Variants in GRID1 observed in about 807,000 individuals in gnomAD.
GRID1 encodes the protein glutamate receptor ionotropic, delta-1.
GRID1 carries 28 observed loss-of-function variants against 98.0 expected under a neutral mutation model. That is an observed-to-expected ratio of 0.29 (90% CI 0.21 to 0.39). GRID1 has a LOEUF of 0.39. Ranked by LOEUF, GRID1 falls within the 10% of genes least tolerant of loss-of-function variation. GRID1 has a pLI of 1.00. For missense variants in GRID1, 1,111 were observed against 1,340.5 expected (o/e 0.83, Z 2.67); for synonymous variants, 553 against 538.5 (o/e 1.03, Z -0.37).
chr10:85,769,000 G>C (rs184411305), intron 8 of GRID1, among the ~76,000 whole-genome samples: 1 of 152,148 alleles, frequency 6.6e-6, no homozygotes, highest in Non-Finnish European at 1.5e-5. Context: ...TCCATCAATT[G>C]GGTGTTGGTA....
At chr10:85,766,039 G>T (rs1842194728) in intron 8 of GRID1, among the ~76,000 whole-genome samples, 1 of 152,250 alleles carries the variant, frequency 6.6e-6, no homozygotes, top group South Asian at 2.1e-4. Flanking sequence ...GTGAGGTTGT[G>T]TCGTGGCAGT....
intron 4 of GRID1, among the ~76,000 whole-genome samples, chr10:85,996,925 A>G (rs925542783): frequency 6.6e-6 from 1 of 152,048 alleles, no homozygotes; most frequent in Non-Finnish European, 1.5e-5. Flanking sequence ...ACAAAAATCT[A>G]TAGATTTAAG....
chr10:86,194,179 C>A (rs1845842700), intron 3 of GRID1, among the ~76,000 whole-genome samples: 1 of 152,084 alleles, frequency 6.6e-6, no homozygotes, highest in African/African-American at 2.4e-5. Flanking sequence ...CCCAGCCGCT[C>A]TGCTTTCTAG....
chr10:85,970,117 A>G (rs922732423), intron 4 of GRID1, among the ~76,000 whole-genome samples: 6 of 152,034 alleles, frequency 3.9e-5, no homozygotes, highest in Admixed American at 6.5e-5. Flanking sequence ...AACTCTCTCA[A>G]AAAGAAACAG....
intron 4 of GRID1, among the ~76,000 whole-genome samples, chr10:86,085,322 C>T (rs547338340): frequency 5.2e-4 from 79 of 152,330 alleles, no homozygotes; most frequent in Admixed American, 1.8e-3. Flanking sequence ...ACTGCCATTC[C>T]GTGGACCTCC....
Position 86,018,198 on chromosome 10 carries a change from T to G in GRID1, c.727-101959A>C, listed in dbSNP as rs180699236. ...CGGCCCTGGGCCATGCACCGCAGCC[T>G]TCTGATGAGCTCCTTCATGAGCACA... On this transcript the variant is annotated intron_variant, in intron 4 of 15. Transcript: ENST00000327946. 1.2e-4 allele frequency among the ~76,000 whole-genome samples: 18 copies of G among 152,374 alleles called. No homozygotes were observed. In the East Asian group the frequency reaches 2.3e-3, roughly 20 times the overall value.
intron 6 of GRID1, among the ~76,000 whole-genome samples, chr10:85,862,601 G>A (rs1660007156): frequency 1.3e-5 from 2 of 152,168 alleles, no homozygotes; most frequent in African/African-American, 4.8e-5. Context: ...TGGGAAGCAG[G>A]AGAGAACTCA....
At chr10:85,989,009 G>A (rs74802777) in intron 4 of GRID1, among the ~76,000 whole-genome samples, 3,040 of 152,268 alleles carry the variant, frequency 0.02, 58 homozygotes, top group African/African-American at 0.046. Context: ...AGCTTTTTGT[G>A]CGGTTTGTGA....
chr10:86,366,600 C>A lies in GRID1; in HGVS notation c.-208G>T, dbSNP rs1256107566. The A allele has an allele frequency of 5.4e-6, 1 of 186,840 alleles. No homozygotes were observed. The allele number at this position is 186,840 out of a possible 1,614,324, so 11.6% of individuals were successfully genotyped here. On this transcript the variant is annotated 5_prime_UTR_variant, in exon 1 of 16. Transcript: ENST00000327946. This position sits in a 1 kb window ranked among gnomAD's most constrained non-coding sequence, Gnocchi z 4.1. ...GCCCAGCGCGGTCGGGCTCCCGCTC[C>A]GGCTCCGGTGGCGGCTGCGGCGGTG...
At chr10:86,190,871 C>T (rs148620634) in intron 3 of GRID1, among the ~76,000 whole-genome samples, 16 of 151,746 alleles carry the variant, frequency 1.1e-4, no homozygotes, top group South Asian at 1.1e-3. Context: ...CACATGTGTG[C>T]ATAGTCGTGC....
At position 86,011,241 on chromosome 10, in the gene GRID1, C is replaced by T. The variant is rs199649463; in HGVS notation, c.727-95002G>A. Reference sequence around the variant, plus strand: ...CTGGAAGCCAATATTTTTGCAGTGACGAAATAACTCACTAAATTAGCACAT... The same window carrying T: ...CTGGAAGCCAATATTTTTGCAGTGATGAAATAACTCACTAAATTAGCACAT... On this transcript the variant is annotated intron_variant, in intron 4 of 15. Transcript: ENST00000327946. 2.1e-4 allele frequency among the ~76,000 whole-genome samples: 32 copies of T among 152,118 alleles called. No individual in the cohort carries two copies. The East Asian group carries it at 2.1e-3, about 10-fold the overall frequency.
chr10:85,989,082 A>G (rs1842646821), intron 4 of GRID1, among the ~76,000 whole-genome samples: 1 of 152,186 alleles, frequency 6.6e-6, no homozygotes, highest in Non-Finnish European at 1.5e-5. Flanking sequence ...TAATTCTAGC[A>G]GGCTCTGGGT....
chr10:85,908,761 T>C (rs1472407096), intron 5 of GRID1, among the ~76,000 whole-genome samples: 1 of 152,134 alleles, frequency 6.6e-6, no homozygotes, highest in African/African-American at 2.4e-5. Flanking sequence ...GGCAGGAGCC[T>C]AACAAAATGT....
At chr10:86,205,525 T>C (rs1846013741) in intron 3 of GRID1, among the ~76,000 whole-genome samples, 1 of 152,226 alleles carries the variant, frequency 6.6e-6, no homozygotes, top group Non-Finnish European at 1.5e-5. Context: ...ACAGGCTGTA[T>C]CAAATCCTGG....
At position 85,807,595 on chromosome 10, in the gene GRID1, A is replaced by T. The variant is rs139829857; in HGVS notation, c.1233+46901T>A. Among the ~76,000 whole-genome samples, 603 of 152,262 alleles carry T rather than the reference A, an allele frequency of 4.0e-3. 3 individuals are homozygous for T. Among genetic ancestry groups the T allele is most frequent in the African/African-American group, 0.014 (573 of 41,552 alleles). ...AATGGAAATGAATATTAACTGGAAA[A>T]AAACATATGTTAAATTAACATATGA... On this transcript the variant is annotated intron_variant, in intron 8 of 15. Coordinates refer to ENST00000327946, the MANE Select transcript of GRID1 (RefSeq NM_017551.3).
At chr10:86,211,900 C>A (rs1846112836) in intron 2 of GRID1, among the ~76,000 whole-genome samples, 1 of 152,126 alleles carries the variant, frequency 6.6e-6, no homozygotes, top group Non-Finnish European at 1.5e-5. Context: ...ATAGAAATCC[C>A]CAGGGCACCT....
intron 4 of GRID1, among the ~76,000 whole-genome samples, chr10:86,023,779 T>C (rs116614524): frequency 9.9e-5 from 15 of 152,252 alleles, no homozygotes; most frequent in East Asian, 3.9e-4. Flanking sequence ...TTATATCTCA[T>C]TGGTCTCCTA....
chr10:85,766,483 T>TA (rs201358564), intron 8 of GRID1, among the ~76,000 whole-genome samples: 102 of 151,104 alleles, frequency 6.8e-4, no homozygotes, highest in African/African-American at 2.0e-3. Context: ...GAGATTTGTC[T>TA]AAAAAAAAAT....
At position 86,206,573 on chromosome 10, in the gene GRID1, G is replaced by T. The variant is rs1846029127; in HGVS notation, c.311C>A (p.Ser104Tyr). 1 of 1,614,058 alleles carries T rather than the reference G, an allele frequency of 6.2e-7. No individual in the cohort carries two copies. Among genetic ancestry groups the T allele is most frequent in the African/African-American group, 1.3e-5 (1 of 74,942 alleles). Residue 104 changes from serine (S) to tyrosine (Y), a missense_variant, in exon 3 of 16, where the codon TCC becomes TAC. Physicochemically the swap from Ser to Tyr is moderately radical, Grantham distance 144. Around this residue, in one of 3 missense-constraint regions of GRID1, gnomAD observed 346 missense variants for 452.3 expected, o/e 0.76. Transcript: ENST00000327946. The surrounding 1 kb of genome is among the most constrained non-coding windows in gnomAD (Gnocchi z 4.1). The part of the protein sequence containing the change: ...TGCASANALQ[S>Y]LTDAMHIPHL... ...TGGGATGTGCATGGCATCCGTGAGG[G>T]ACTGCAGGGCATTGGCAGATGCACA...
Sources: gnomAD v4.1 joint callset for allele counts (sites outside exome capture counted in the v4.1 genomes callset) on GRCh38, gnomAD v4.1.1 for gene constraint, gnomAD v4.1.1 regional missense constraint, Gnocchi (gnomAD v3.1) non-coding constraint, MANE v1.5 for transcripts, NCBI Gene and HGNC (gene_info 2026-07-23, HGNC 2026-07-21) for gene names.